FAT4: variants seen among roughly 807,000 people sequenced by gnomAD.
FAT4 encodes the protein FAT atypical cadherin 4, also known as protocadherin Fat 4.
Under a neutral mutation model 303.9 loss-of-function variants are expected in FAT4, and 84 were observed. The observed-to-expected ratio is 0.28, with a 90% CI of 0.23 to 0.33. The LOEUF (loss-of-function observed/expected upper bound fraction) is 0.33, where lower values mean the gene tolerates loss of function less well. FAT4 is among the 10% of genes least tolerant of loss of function. FAT4 has a pLI of 1.00. For missense variants in FAT4, 6,005 were observed against 6,146.8 expected (o/e 0.98, Z 0.77); for synonymous variants, 2,307 against 2,298.8 (o/e 1.00, Z -0.10).
At chr4:125,415,961 G>C (rs1578618491) in intron 6 of FAT4, among the ~76,000 whole-genome samples, 155 bp downstream of exon 6, 1 of 152,122 alleles carries the variant, frequency 6.6e-6, no homozygotes, top group South Asian at 2.1e-4. Flanking sequence ...AAAAGGAAAG[G>C]TTTATAAACA....
At position 125,321,137 on chromosome 4, in the gene FAT4, A is replaced by G. The variant is rs369950066; in HGVS notation, c.4726A>G (p.Ile1576Val). 3.1e-6 allele frequency: 5 copies of G among 1,614,062 alleles called. No individual in the cohort carries two copies. The highest frequency in any genetic ancestry group is 1.7e-5 in the Admixed American group (1 of 59,996). The change falls in exon 2 of 18, where the codon ATT becomes GTT. Residue 1576 changes from isoleucine (I) to valine (V), a missense_variant. By Grantham distance (29) the Ile-to-Val change is conservative. Coordinates refer to ENST00000394329, the MANE Select transcript of FAT4 (RefSeq NM_001291303.3). Reference sequence around the variant, plus strand: ...CATCAATGGGGACACAGACACCTTCATTGTTGATCGTTATAGTGGAGACCT... The same window carrying G: ...CATCAATGGGGACACAGACACCTTCGTTGTTGATCGTTATAGTGGAGACCT... Reference protein sequence around the residue: ...EIINGDTDTFIVDRYSGDLRV... With the variant: ...EIINGDTDTFVVDRYSGDLRV...
intron 2 of FAT4, among the ~76,000 whole-genome samples, chr4:125,384,358 C>A (rs1733658068): frequency 6.6e-6 from 1 of 152,010 alleles, no homozygotes; most frequent in African/African-American, 2.4e-5. Flanking sequence ...TTTAATATAG[C>A]CATTTTTATG....
At chr4:125,452,934 A>C in intron 10 of FAT4, 124 bp downstream of exon 10, 1 of 1,225,306 alleles carries the variant, frequency 8.2e-7, no homozygotes, top group Non-Finnish European at 1.1e-6. Flanking sequence ...AAATGTTTTT[A>C]AACATTTACT....
At chr4:125,332,066 C>G (rs1240979007) in intron 2 of FAT4, among the ~76,000 whole-genome samples, 8 of 152,002 alleles carry the variant, frequency 5.3e-5, no homozygotes, top group African/African-American at 1.9e-4. Context: ...AGTGCTCTTC[C>G]CCTTTTTCCT....
At chr4:125,446,126 A>C in intron 8 of FAT4, 167 bp from the exon 9 acceptor site, 1 of 574,790 alleles carries the variant, frequency 1.7e-6, no homozygotes, top group Admixed American at 3.2e-5. Context: ...GTTCACAGAA[A>C]ATTTGAAATA....
chr4:125,316,984 G>A lies in FAT4; in HGVS notation c.573G>A (p.Leu191=). The change falls in exon 2 of 18, where the codon CTG becomes CTA. Residue 191 remains leucine, a synonymous_variant. Transcript: ENST00000394329. This position sits in a 1 kb window ranked among gnomAD's most constrained non-coding sequence, Gnocchi z 5.7. ...EAGRFRLDIT[L]NPSGEGAFLH... Reference sequence around the variant, plus strand: ...GGCGCTTCCGTCTGGACATCACCCTGAACCCGAGCGGCGAGGGAGCGTTCC... The same window carrying A: ...GGCGCTTCCGTCTGGACATCACCCTAAACCCGAGCGGCGAGGGAGCGTTCC... 1 of 1,613,980 alleles carries A rather than the reference G, an allele frequency of 6.2e-7. No homozygotes were observed. Among genetic ancestry groups the A allele is most frequent in the Non-Finnish European group, 8.5e-7 (1 of 1,180,026 alleles).
intron 10 of FAT4, among the ~76,000 whole-genome samples, chr4:125,453,916 A>G (rs1338582557): frequency 6.6e-6 from 1 of 152,002 alleles, no homozygotes; most frequent in East Asian, 1.9e-4. Flanking sequence ...ACCTATTTCT[A>G]CTCCATGTCT....
chr4:125,319,626 C>T lies in FAT4; in HGVS notation c.3215C>T (p.Ala1072Val), dbSNP rs752725141. 2 of 1,613,960 alleles carry T rather than the reference C, an allele frequency of 1.2e-6. No homozygotes were observed. The highest frequency in any genetic ancestry group is 1.7e-5 in the Admixed American group (1 of 60,020). Residue 1072 changes from alanine to valine, a missense_variant, in exon 2 of 18, where the codon GCT (alanine) becomes GTT (valine). Physicochemically the swap from Ala to Val is moderately conservative, Grantham distance 64 (BLOSUM62 0). Coordinates refer to ENST00000394329, the MANE Select transcript of FAT4 (RefSeq NM_001291303.3). ...GACAGATATGTTTTAATGGTTGTTGCTTCTGACAGAGCAGTGGAACCCCTT... is the reference window on the plus strand; with the variant it reads ...GACAGATATGTTTTAATGGTTGTTGTTTCTGACAGAGCAGTGGAACCCCTT... ...LQDRYVLMVV[A>V]SDRAVEPLSA...
In FAT4 at chr4:125,491,482, G is replaced by C. The variant is rs35845544; in HGVS notation, c.14666G>C (p.Arg4889Thr). The C allele has an allele frequency of 6.8e-6, 11 of 1,614,048 alleles. No homozygotes were observed. Among genetic ancestry groups the C allele is most frequent in the Non-Finnish European group, 9.3e-6 (11 of 1,180,030 alleles). Residue 4889 changes from arginine to threonine, a missense_variant, in exon 18 of 18, where the codon AGA becomes ACA. Physicochemically the swap from Arg to Thr is moderately conservative, Grantham distance 71. Transcript: ENST00000394329. ...DADDEDNYGA[R>T]LKPRRYHGRR... ...GATGATGAAGATAATTATGGAGCCA[G>C]ACTGAAGCCTCGAAGGTACCACGGT...
rs767365327 is a variant in FAT4, at chr4:125,316,884, C to A, written c.473C>A (p.Thr158Asn). Reference sequence around the variant, plus strand: ...AGCGGACGCCAAGTCATCTTAGACACCGCCACCGACTCGGACATCGGCTCA... The same window carrying A: ...AGCGGACGCCAAGTCATCTTAGACAACGCCACCGACTCGGACATCGGCTCA... The part of the protein sequence containing the change: ...SSSGRQVILD[T>N]ATDSDIGSNG... Residue 158 changes from threonine (T) to asparagine (N), a missense_variant, in exon 2 of 18, where the codon ACC becomes AAC. Coordinates refer to ENST00000394329, the MANE Select transcript of FAT4 (RefSeq NM_001291303.3). The surrounding 1 kb of genome is among the most constrained non-coding windows in gnomAD (Gnocchi z 5.7). 1 of 1,614,062 alleles carries A rather than the reference C, an allele frequency of 6.2e-7. No individual in the cohort carries two copies. Among genetic ancestry groups the A allele is most frequent in the Non-Finnish European group, 8.5e-7 (1 of 1,180,034 alleles).
chr4:125,407,361 A>G (rs1310344305), intron 4 of FAT4, among the ~76,000 whole-genome samples: 5 of 152,100 alleles, frequency 3.3e-5, no homozygotes, highest in Admixed American at 3.3e-4. Flanking sequence ...TTAGCCATTT[A>G]TGTGTCTGAA....
At chr4:125,340,910 G>C (rs573180057) in intron 2 of FAT4, among the ~76,000 whole-genome samples, 1 of 152,154 alleles carries the variant, frequency 6.6e-6, no homozygotes. Context: ...GCTATTGCAA[G>C]CAATCATTGA....
At chr4:125,408,876 CT>C (rs1734733219) in intron 5 of FAT4, 82 bp downstream of exon 5, 2 of 759,706 alleles carry the variant, frequency 2.6e-6, no homozygotes, top group South Asian at 6.7e-5. Flanking sequence ...TTGTGTTGAG[CT>C]GTCACAAAAA....
Position 125,490,036 on chromosome 4 carries a change from C to T in FAT4, c.13220C>T (p.Ala4407Val), listed in dbSNP as rs746007932. The T allele has an allele frequency of 6.2e-7, 1 of 1,613,934 alleles. No homozygotes were observed. The highest frequency in any genetic ancestry group is 1.7e-5 in the Admixed American group (1 of 59,998). ...GGCTGCCGTGGCCCGAACATTTGTG[C>T]CAGCAACCCCTGCTGGGGTGATTTG... ...KIGCRGPNIC[A>V]SNPCWGDLLC... The change falls in exon 18 of 18, where the codon GCC becomes GTC. Residue 4407 changes from alanine (A) to valine (V), a missense_variant. Ala to Val is a moderately conservative substitution (Grantham distance 64). Coordinates refer to ENST00000394329, the MANE Select transcript of FAT4 (RefSeq NM_001291303.3).
At chr4:125,386,589 A>G (rs1733758908) in intron 2 of FAT4, among the ~76,000 whole-genome samples, 1 of 152,136 alleles carries the variant, frequency 6.6e-6, no homozygotes, top group African/African-American at 2.4e-5. Context: ...GAAAAATAGG[A>G]TGTCTAAATA....
intron 11 of FAT4, among the ~76,000 whole-genome samples, chr4:125,467,057 G>T (rs988713316): frequency 6.6e-6 from 1 of 152,090 alleles, no homozygotes; most frequent in Admixed American, 6.5e-5. Flanking sequence ...GATTACAGGC[G>T]TGAGCCACCA....
At chr4:125,489,847 C>CCTTT in intron 17 of FAT4, 54 bp from the exon 18 acceptor site, 4 of 445,938 alleles carry the variant, frequency 9.0e-6, no homozygotes, top group East Asian at 7.6e-5. Context: ...AGTATAAGCT[C>CCTTT]TTTTTTTTTT....
rs756272365 is a variant in FAT4, at chr4:125,449,149, C to T, written c.8139C>T (p.Asn2713=). The change falls in exon 10 of 18, where the codon AAC becomes AAT. Residue 2713 remains asparagine, a synonymous_variant. Coordinates refer to ENST00000394329, the MANE Select transcript of FAT4 (RefSeq NM_001291303.3). ...TAGATTATGAAATTGTTAATGGCAACATGGAAAATAGTTTCAGTATCAATC... is the reference window on the plus strand; with the variant it reads ...TAGATTATGAAATTGTTAATGGCAATATGGAAAATAGTTTCAGTATCAATC... ...GQLDYEIVNG[N]MENSFSINHA... is the part of the protein sequence containing the mutation. 2 of 1,613,862 alleles carry T rather than the reference C, an allele frequency of 1.2e-6. No individual in the cohort carries two copies. The highest frequency in any genetic ancestry group is 1.7e-6 in the Non-Finnish European group (2 of 1,179,862).
In FAT4 at chr4:125,317,145, A is replaced by T; in HGVS notation, c.734A>T (p.Asp245Val). ...QVNVTVQDIN[D>V]NPPVFGSSHY... The stretch of plus-strand genomic sequence containing the variant: ...AACGTGACTGTGCAAGACATTAATG[A>T]CAACCCCCCGGTTTTTGGCAGTTCT... The change falls in exon 2 of 18, where the codon GAC becomes GTC. Residue 245 changes from aspartate to valine, a missense_variant. Asp to Val is a radical substitution (Grantham distance 152, BLOSUM62 -3). Coordinates refer to ENST00000394329, the MANE Select transcript of FAT4 (RefSeq NM_001291303.3). The surrounding 1 kb of genome is among the most constrained non-coding windows in gnomAD (Gnocchi z 7.0). 6.2e-7 allele frequency: 1 copy of T among 1,611,732 alleles called. No homozygotes were observed. Among genetic ancestry groups the T allele is most frequent in the Non-Finnish European group, 8.5e-7 (1 of 1,178,542 alleles).
Sources: gnomAD v4.1 joint callset for allele counts (sites outside exome capture counted in the v4.1 genomes callset) on GRCh38, gnomAD v4.1.1 for gene constraint, Gnocchi (gnomAD v3.1) non-coding constraint, MANE v1.5 for transcripts, NCBI Gene and HGNC (gene_info 2026-07-23, HGNC 2026-07-21) for gene names.